Variants in EPB41L3 observed in about 807,000 individuals in gnomAD.
EPB41L3 encodes band 4.1-like protein 3.
In EPB41L3, 57 loss-of-function variants were observed where a neutral mutation model predicts 127.1. That is an observed-to-expected ratio of 0.45 (90% confidence interval 0.36 to 0.56). EPB41L3 has a LOEUF of 0.56. Ranked by LOEUF, EPB41L3 falls within the 20% of genes least tolerant of loss-of-function variation. The probability of loss-of-function intolerance (pLI) is 0.00; values close to 1 mark genes in which losing one functional copy is unlikely to be tolerated. For missense variants in EPB41L3, 1,273 were observed against 1,372.2 expected (o/e 0.93, Z 1.14); for synonymous variants, 572 against 549.5 (o/e 1.04, Z -0.57).
At chr18:5,405,656 G>A (rs1379745060) in intron 16 of EPB41L3, among the ~76,000 whole-genome samples, 1 of 152,034 alleles carries the variant, frequency 6.6e-6, no homozygotes, top group Non-Finnish European at 1.5e-5. Context: ...GCCAAGTGTG[G>A]TGGTGCCTGC....
At chr18:5,565,462 T>G (rs913726455) in intron 3 of EPB41L3, among the ~76,000 whole-genome samples, 2 of 151,830 alleles carry the variant, frequency 1.3e-5, no homozygotes, top group Admixed American at 6.6e-5. Context: ...TCTTTTTTTT[T>G]TTTTAATTAT....
At chr18:5,524,781 C>A (rs1316657829) in intron 1 of EPB41L3, among the ~76,000 whole-genome samples, 4 of 152,088 alleles carry the variant, frequency 2.6e-5, no homozygotes, top group Admixed American at 2.0e-4. Flanking sequence ...GTGGAGCTAG[C>A]GTGGATCACA....
chr18:5,593,820 A>C (rs1168699225), intron 3 of EPB41L3, among the ~76,000 whole-genome samples: 1 of 152,192 alleles, frequency 6.6e-6, no homozygotes, highest in Non-Finnish European at 1.5e-5. Flanking sequence ...GCTGAGAAAA[A>C]CAATTCAGCG....
intron 1 of EPB41L3, among the ~76,000 whole-genome samples, chr18:5,522,369 C>T (rs1446388324): frequency 2.0e-5 from 3 of 152,126 alleles, no homozygotes; most frequent in Non-Finnish European, 4.4e-5. Flanking sequence ...AGTGATCTGC[C>T]TGTCTCGGCC....
rs1182216494 is a variant in EPB41L3 at position 5,543,248 on chromosome 18, C to T, written c.-12+665G>A. On this transcript the variant is annotated intron_variant, in intron 1 of 22. Coordinates refer to ENST00000341928, the MANE Select transcript of EPB41L3 (RefSeq NM_012307.5). The surrounding 1 kb of genome is among the most constrained non-coding windows in gnomAD (Gnocchi z 5.2). ...GGGGCCGCTGCCCCAGTTTGGGGAACGAGGCAAGTTATATAAAAGCGGCCG... is the reference window on the plus strand; with the variant it reads ...GGGGCCGCTGCCCCAGTTTGGGGAATGAGGCAAGTTATATAAAAGCGGCCG... The T allele has an allele frequency of 2.0e-5, 3 of 151,272 alleles. No individual in the cohort carries two copies. Among genetic ancestry groups the T allele is most frequent in the East Asian group, 3.9e-4 (2 of 5,144 alleles). 9.4% of individuals were successfully genotyped at this position (151,272 alleles called of 1,614,324 possible). A position where few individuals can be genotyped will look rare whatever the true frequency, so the allele number is the denominator to read the frequency against.
In EPB41L3 at chr18:5,468,930, A is replaced by AAAAC. The variant is rs139365871; in HGVS notation, c.381+9307_381+9310dup. Among the ~76,000 whole-genome samples, 15 of 79,072 alleles carry AAAAC rather than the reference A, an allele frequency of 1.9e-4. No individual in the cohort carries two copies. The South Asian group carries it at 2.0e-3, about 11-fold the overall frequency. 51.9% of individuals were successfully genotyped at this position (79,072 alleles called of 152,430 possible). ...CTCCATCTCAAAAAACAAAAAACAAAAAACAAACAAACAAACAAACAAACA... is the reference window on the plus strand; with the variant it reads ...CTCCATCTCAAAAAACAAAAAACAAAAAACAAACAAACAAACAAACAAACAAACA... On this transcript the variant is annotated intron_variant, in intron 3 of 22. Transcript: ENST00000341928.
chr18:5,414,255 T>C (rs2076529488), intron 13 of EPB41L3, among the ~76,000 whole-genome samples: 1 of 152,214 alleles, frequency 6.6e-6, no homozygotes. Context: ...TATTAAAGCC[T>C]AGGATTTCAA....
At chr18:5,534,349 T>C (rs762700981) in intron 1 of EPB41L3, among the ~76,000 whole-genome samples, 4 of 152,208 alleles carry the variant, frequency 2.6e-5, no homozygotes, top group Non-Finnish European at 4.4e-5. Flanking sequence ...CAAAAGTCGT[T>C]AAGACAGTGT....
At chr18:5,629,422 C>CACACACAG (rs1177178416), upstream of EPB41L3, among the ~76,000 whole-genome samples, 165 of 139,696 alleles carry the variant, frequency 1.2e-3, no homozygotes, top group African/African-American at 5.1e-3. Flanking sequence ...ACACCACACA[C>CACACACAG]ACACACACAC....
intron 3 of EPB41L3, among the ~76,000 whole-genome samples, chr18:5,574,935 T>C (rs62077753): frequency 0.035 from 5,271 of 152,220 alleles, 155 homozygotes; most frequent in Non-Finnish European, 0.051. Context: ...CCTGGGACCC[T>C]GACACAGCTC....
At chr18:5,399,977 G>A (rs961854841) in intron 16 of EPB41L3, 1 of 152,180 alleles carries the variant, frequency 6.6e-6, no homozygotes, top group Non-Finnish European at 1.5e-5. Context: ...CACTATTAGA[G>A]CCTCTTACAG....
At chr18:5,549,687 G>C (rs2093936777) in intron 3 of EPB41L3, among the ~76,000 whole-genome samples, 1 of 152,142 alleles carries the variant, frequency 6.6e-6, no homozygotes, top group African/African-American at 2.4e-5. Flanking sequence ...CGGAAGCTCT[G>C]GGGTGGGGTC....
At chr18:5,455,721 G>A (rs1164778329) in intron 3 of EPB41L3, among the ~76,000 whole-genome samples, 1 of 150,646 alleles carries the variant, frequency 6.6e-6, no homozygotes, top group East Asian at 1.9e-4. Flanking sequence ...GGTAGATGAT[G>A]GCTTTCCAGT....
chr18:5,564,338 C>G (rs1217775026), intron 3 of EPB41L3, among the ~76,000 whole-genome samples: 1 of 152,024 alleles, frequency 6.6e-6, no homozygotes, highest in Non-Finnish European at 1.5e-5. Flanking sequence ...CTCAATAACT[C>G]TATTATCTCT....
chr18:5,566,389 G>A (rs955469545), intron 3 of EPB41L3, among the ~76,000 whole-genome samples: 3 of 152,080 alleles, frequency 2.0e-5, no homozygotes, highest in Admixed American at 2.0e-4. Flanking sequence ...AAATACCTAG[G>A]AATCCAACTT....
intron 16 of EPB41L3, among the ~76,000 whole-genome samples, chr18:5,402,202 T>C (rs910834572): frequency 6.7e-6 from 1 of 149,968 alleles, no homozygotes; most frequent in African/African-American, 2.4e-5. Flanking sequence ...AAAATCTCTA[T>C]CCCACTGCAT....
intron 1 of EPB41L3, among the ~76,000 whole-genome samples, chr18:5,614,636 T>A (rs537472431): frequency 1.3e-5 from 2 of 152,012 alleles, no homozygotes; most frequent in South Asian, 4.2e-4. Context: ...GCAAACTTTA[T>A]CCATTCTCAA....
chr18:5,599,697 G>A (rs1013450448), intron 3 of EPB41L3, among the ~76,000 whole-genome samples: 4 of 152,016 alleles, frequency 2.6e-5, no homozygotes, highest in Admixed American at 2.0e-4. Context: ...GCCTGCTCCC[G>A]CTTTGCCTTC....
chr18:5,423,126 GA>G (rs2077687632), intron 11 of EPB41L3, among the ~76,000 whole-genome samples: 2 of 152,118 alleles, frequency 1.3e-5, no homozygotes, highest in African/African-American at 4.8e-5. Flanking sequence ...GTCAGCTTAT[GA>G]AAGCTATTTT....
Sources: gnomAD v4.1 joint callset for allele counts (sites outside exome capture counted in the v4.1 genomes callset) on GRCh38, gnomAD v4.1.1 for gene constraint, Gnocchi (gnomAD v3.1) non-coding constraint, MANE v1.5 for transcripts, NCBI Gene and HGNC (gene_info 2026-07-23, HGNC 2026-07-21) for gene names.